The following PDZRN4 variants were observed in gnomAD, a reference collection of about 807,000 sequenced individuals.
PDZRN4 encodes the protein PDZ domain containing ring finger 4.
Under a neutral mutation model 99.0 loss-of-function variants are expected in PDZRN4, and 70 were observed. The observed-to-expected ratio is 0.71, with a 90% CI of 0.58 to 0.86. PDZRN4 has a LOEUF of 0.86. PDZRN4 is among the 40% of genes least tolerant of loss of function. The pLI is 0.00. For synonymous variants in PDZRN4, 551 were observed against 501.6 expected, an observed-to-expected ratio of 1.10 and a Z score of -1.32; for missense variants, 1,474 against 1,331.2, an observed-to-expected ratio of 1.11 and a Z score of -1.67.
At chr12:41,224,612 A>T (rs2120733949) in intron 3 of PDZRN4, among the ~76,000 whole-genome samples, 1 of 152,296 alleles carries the variant, frequency 6.6e-6, no homozygotes, top group South Asian at 2.1e-4. Flanking sequence ...GAGAATTGTG[A>T]ATATTTTCTG....
intron 3 of PDZRN4, among the ~76,000 whole-genome samples, chr12:41,396,699 A>G (rs1171600641): frequency 2.6e-5 from 4 of 152,190 alleles, no homozygotes; most frequent in East Asian, 3.9e-4. Flanking sequence ...CACATTTGTG[A>G]TTAAACTACA....
Position 41,201,737 on chromosome 12 carries a change from C to A in PDZRN4, c.843+7549C>A, listed in dbSNP as rs191284097. 6.5e-4 allele frequency among the ~76,000 whole-genome samples: 99 copies of A among 152,112 alleles called. 1 individual carries two copies. The highest frequency in any genetic ancestry group is 2.2e-3 in the African/African-American group (93 of 41,522). On this transcript the variant is annotated intron_variant, in intron 3 of 9. Coordinates refer to ENST00000402685, the MANE Select transcript of PDZRN4 (RefSeq NM_001164595.2). ...ATTCCTTCTTGCCATATATTTATTA[C>A]GAGATCAATCAGAAGTCGAAAGATT...
intron 3 of PDZRN4, chr12:41,459,846 A>G (rs1952853229): frequency 1.1e-6 from 1 of 903,896 alleles, no homozygotes; most frequent in East Asian, 6.6e-5. Context: ...GGTATTGGGA[A>G]AAAATACCCA....
chr12:41,467,659 C>T (rs544698591), intron 3 of PDZRN4, among the ~76,000 whole-genome samples: 1 of 152,270 alleles, frequency 6.6e-6, no homozygotes, highest in East Asian at 1.9e-4. Context: ...TACCTTACCA[C>T]AAACCAGAAA....
At chr12:41,292,259 C>T (rs977412754) in intron 3 of PDZRN4, among the ~76,000 whole-genome samples, 3 of 152,148 alleles carry the variant, frequency 2.0e-5, no homozygotes, top group African/African-American at 7.2e-5. Context: ...TCATTCCCAT[C>T]ACAAGGCTCA....
At chr12:41,250,865 A>T (rs542530088) in intron 3 of PDZRN4, among the ~76,000 whole-genome samples, 1 of 152,316 alleles carries the variant, frequency 6.6e-6, no homozygotes, top group African/African-American at 2.4e-5. Flanking sequence ...CCCTCCAGAA[A>T]TTCAACAGGC....
chr12:41,473,127 T>C (rs73278045), intron 3 of PDZRN4, among the ~76,000 whole-genome samples: 3,671 of 152,086 alleles, frequency 0.024, 147 homozygotes, highest in African/African-American at 0.085. Context: ...CCTTATGGAA[T>C]AGATAAAATA....
chr12:41,279,108 G>T (rs957035229), intron 3 of PDZRN4, among the ~76,000 whole-genome samples: 1 of 152,174 alleles, frequency 6.6e-6, no homozygotes, highest in African/African-American at 2.4e-5. Context: ...CCAGTTACAC[G>T]CAGGGTTCGG....
intron 8 of PDZRN4, among the ~76,000 whole-genome samples, chr12:41,565,462 C>A (rs1272303333): frequency 3.5e-5 from 5 of 144,494 alleles, no homozygotes; most frequent in South Asian, 2.2e-4. Flanking sequence ...AAAAAAAAAT[C>A]TTGTCTTTAT....
intron 6 of PDZRN4, 96 bp downstream of exon 6, chr12:41,552,850 A>T: frequency 1.1e-6 from 1 of 899,118 alleles, no homozygotes; most frequent in Non-Finnish European, 1.8e-6. Context: ...CAGAGGCTTG[A>T]ATGTGAAGAA....
intron 3 of PDZRN4, among the ~76,000 whole-genome samples, chr12:41,216,289 C>G (rs1950920392): frequency 6.6e-6 from 1 of 151,874 alleles, no homozygotes; most frequent in South Asian, 2.1e-4. Flanking sequence ...TGCAAGCAAT[C>G]ATTATGCAAA....
chr12:41,358,578 A>G (rs1031855849), intron 3 of PDZRN4, among the ~76,000 whole-genome samples: 1 of 151,944 alleles, frequency 6.6e-6, no homozygotes, highest in African/African-American at 2.4e-5. Context: ...AGAGTCGGGG[A>G]AGAATTTGAG....
At chr12:41,306,018 A>G (rs1463240957) in intron 3 of PDZRN4, among the ~76,000 whole-genome samples, 1 of 152,220 alleles carries the variant, frequency 6.6e-6, no homozygotes, top group East Asian at 1.9e-4. Flanking sequence ...CAGGCATAGT[A>G]CAGGCATTCT....
intron 3 of PDZRN4, chr12:41,460,045 T>C (rs1331060161): frequency 7.8e-7 from 1 of 1,286,228 alleles, no homozygotes; most frequent in Admixed American, 2.3e-5. Flanking sequence ...TTAGTTCTGC[T>C]TCATTAAGCT....
chr12:41,530,518 T>C (rs1011675280), intron 5 of PDZRN4, among the ~76,000 whole-genome samples: 15 of 152,326 alleles, frequency 9.8e-5, no homozygotes, highest in Non-Finnish European at 1.8e-4. Context: ...GCAGTTTATG[T>C]ATTCACTTGG....
chr12:41,452,987 G>A (rs1952787685), intron 3 of PDZRN4, among the ~76,000 whole-genome samples: 1 of 152,120 alleles, frequency 6.6e-6, no homozygotes, highest in African/African-American at 2.4e-5. Context: ...AGAGGAAAAT[G>A]TAGAACTATG....
At chr12:41,274,018 CCTT>C (rs1327742966) in intron 3 of PDZRN4, among the ~76,000 whole-genome samples, 3 of 152,014 alleles carry the variant, frequency 2.0e-5, no homozygotes, top group African/African-American at 7.2e-5. Flanking sequence ...AGGGGTCTTG[CCTT>C]CTTCTATGTG....
intron 3 of PDZRN4, among the ~76,000 whole-genome samples, chr12:41,356,228 T>C (rs574850515): frequency 6.6e-6 from 1 of 152,148 alleles, no homozygotes; most frequent in East Asian, 1.9e-4. Context: ...AATTGAAGAA[T>C]CATAAGAATA....
chr12:41,258,365 G>C (rs1423187151), intron 3 of PDZRN4, among the ~76,000 whole-genome samples: 2 of 152,132 alleles, frequency 1.3e-5, no homozygotes, highest in Non-Finnish European at 2.9e-5. Flanking sequence ...GAGAACGAGA[G>C]AGAGAGGAGG....
Sources: allele counts gnomAD v4.1 joint callset (sites outside exome capture counted in the v4.1 genomes callset), GRCh38; gene constraint gnomAD v4.1.1; transcripts MANE v1.5; gene names NCBI Gene and HGNC (gene_info 2026-07-23, HGNC 2026-07-21).